OR11G2: variants seen among roughly 807,000 people sequenced by gnomAD.
OR11G2 encodes olfactory receptor 11G2.
In OR11G2, 2 loss-of-function variants were observed where a neutral mutation model predicts 0.9. The observed-to-expected ratio is 2.35, with a 90% confidence interval of 0.96 to 7.38. OR11G2 has a LOEUF of 7.38. Among genes scored for constraint, OR11G2 ranks in the 30% most tolerant of loss-of-function variants. The pLI is 0.05. For missense variants in OR11G2, 395 were observed against 371.3 expected (o/e 1.06, Z -0.52); for synonymous variants, 153 against 142.0 (o/e 1.08, Z -0.55).
rs750492217 is a variant in OR11G2, at chr14:20,197,974, C to T, written c.537C>T (p.Asp179=). The change falls in exon 2 of 2, where the codon GAC becomes GAT. Residue 179 remains aspartate (D), a synonymous_variant. Coordinates refer to ENST00000641879, the MANE Select transcript of OR11G2 (RefSeq NM_001386033.1). ...QMSFCGSRII[D]HFLCDPAPLL... is the part of the protein sequence containing the mutation. ...CCTTCTGTGGATCTAGGATTATTGA[C>T]CACTTCCTATGTGACCCAGCTCCTC... 9 of 1,613,480 alleles carry T rather than the reference C, an allele frequency of 5.6e-6. No homozygotes were observed. The highest frequency in any genetic ancestry group is 4.4e-5 in the South Asian group (4 of 91,042).
At chr14:20,192,377 G>C (rs889245888) in intron 1 of OR11G2, among the ~76,000 whole-genome samples, 1 of 152,150 alleles carries the variant, frequency 6.6e-6, no homozygotes, top group Admixed American at 6.5e-5. Flanking sequence ...CAGGTTAAAA[G>C]ACTACTAGAA....
intron 1 of OR11G2, among the ~76,000 whole-genome samples, chr14:20,193,521 A>G (rs1380339966): frequency 6.6e-6 from 1 of 152,248 alleles, no homozygotes; most frequent in Non-Finnish European, 1.5e-5. Flanking sequence ...TTAGCAAACT[A>G]TATCCAATGT....
chr14:20,193,393 G>A (rs1298429360), intron 1 of OR11G2, among the ~76,000 whole-genome samples: 1 of 152,114 alleles, frequency 6.6e-6, no homozygotes, highest in Non-Finnish European at 1.5e-5. Flanking sequence ...AAACACAGGG[G>A]TTACAAGTTC....
intron 1 of OR11G2, among the ~76,000 whole-genome samples, chr14:20,193,344 A>AGTG (rs1224889494): frequency 5.3e-5 from 8 of 152,036 alleles, no homozygotes; most frequent in Admixed American, 2.0e-4. Flanking sequence ...CTGGTCTCGA[A>AGTG]CTCCTGAGCT....
intron 1 of OR11G2, among the ~76,000 whole-genome samples, chr14:20,196,777 GAGGATGGCT>G (rs1879760406): frequency 6.6e-6 from 1 of 152,210 alleles, no homozygotes; most frequent in Admixed American, 6.5e-5. Flanking sequence ...CTGGTCTACT[GAGGATGGCT>G]AGGACTGCTG....
Position 20,197,436 on chromosome 14 carries a change from A to G in OR11G2, c.-2A>G, listed in dbSNP as rs753394210. ...GCTGGTGCTTTTACAATTCACAGGC[A>G]CATGAAAATCTTCAACAGCCCCAGC... On this transcript the variant is annotated splice_region_variant and 5_prime_UTR_variant, in exon 2 of 2. Coordinates refer to ENST00000641879, the MANE Select transcript of OR11G2 (RefSeq NM_001386033.1). 25 of 1,613,668 alleles carry G rather than the reference A, an allele frequency of 1.5e-5. No homozygotes were observed. Among genetic ancestry groups the G allele is most frequent in the Non-Finnish European group, 2.1e-5 (25 of 1,179,816 alleles).
At chr14:20,196,148 C>T (rs567744182) in intron 1 of OR11G2, among the ~76,000 whole-genome samples, 1 of 152,320 alleles carries the variant, frequency 6.6e-6, no homozygotes, top group South Asian at 2.1e-4. Flanking sequence ...AATTTTACCT[C>T]GTCCTCCCTG....
chr14:20,193,829 C>T (rs1380004945), intron 1 of OR11G2, among the ~76,000 whole-genome samples: 3 of 152,164 alleles, frequency 2.0e-5, no homozygotes, highest in Non-Finnish European at 4.4e-5. Context: ...GTGTGAGTAT[C>T]ACAGAGATGG....
chr14:20,197,623 C>G lies in OR11G2; in HGVS notation c.186C>G (p.Pro62=), dbSNP rs2139113237. 10 of 1,614,162 alleles carry G rather than the reference C, an allele frequency of 6.2e-6. No homozygotes were observed. The highest frequency in any genetic ancestry group is 8.5e-6 in the Non-Finnish European group (10 of 1,180,020). Residue 62 remains proline (P), a synonymous_variant, in exon 2 of 2, where the codon CCC becomes CCG. Transcript: ENST00000641879. ...ACTGGGATCAGAGACTCCACGCCCC[C>G]ATGTACATCCTGCTCGCCAACTTCT... is the stretch of plus-strand genomic sequence containing the variant. ...AVHWDQRLHA[P]MYILLANFSF...
At chr14:20,195,832 G>C (rs1300778629) in intron 1 of OR11G2, among the ~76,000 whole-genome samples, 1 of 152,028 alleles carries the variant, frequency 6.6e-6, no homozygotes, top group Non-Finnish European at 1.5e-5. Flanking sequence ...AAATCAACAA[G>C]AGAAAAACAA....
In OR11G2 at chr14:20,197,809, T is replaced by C; in HGVS notation, c.372T>C (p.Phe124=). Residue 124 remains phenylalanine, a synonymous_variant, in exon 2 of 2, where the codon TTT becomes TTC. Coordinates refer to ENST00000641879, the MANE Select transcript of OR11G2 (RefSeq NM_001386033.1). ...TECFFLAVMA[F]DRYLAICRPL... The stretch of plus-strand genomic sequence containing the variant: ...GCTTTTTCCTGGCAGTTATGGCATT[T>C]GATCGATACCTTGCCATCTGTCGGC... 6 of 1,614,156 alleles carry C rather than the reference T, an allele frequency of 3.7e-6. No individual in the cohort carries two copies. The South Asian group carries it at 6.6e-5, about 18-fold the overall frequency.
In OR11G2 at chr14:20,191,088, G is replaced by C. The variant is rs1048157881; in HGVS notation, c.-583G>C. The C allele has an allele frequency of 6.6e-6, 1 of 152,210 alleles. No homozygotes were observed. The highest frequency in any genetic ancestry group is 1.5e-5 in the Non-Finnish European group (1 of 68,044). 9.4% of individuals were successfully genotyped at this position (152,210 alleles called of 1,614,324 possible). On this transcript the variant is annotated 5_prime_UTR_variant, in exon 1 of 2. Coordinates refer to ENST00000641879, the MANE Select transcript of OR11G2 (RefSeq NM_001386033.1). Reference sequence around the variant, plus strand: ...GAAAGGAGATGATGCAATGGACAAAGTTTCCAGGATTGGTAAAGCCTAGGT... The same window carrying C: ...GAAAGGAGATGATGCAATGGACAAACTTTCCAGGATTGGTAAAGCCTAGGT...
rs1406442332 is a variant in OR11G2 at position 20,198,336 on chromosome 14, A to T, written c.899A>T (p.Asp300Val). 6.3e-7 allele frequency: 1 copy of T among 1,581,538 alleles called. No homozygotes were observed. The highest frequency in any genetic ancestry group is 2.0e-5 in the Admixed American group (1 of 50,872). Residue 300 changes from aspartate (D) to valine (V), a missense_variant, in exon 2 of 2, where the codon GAT becomes GTT. By Grantham distance (152) the Asp-to-Val change is radical (BLOSUM62 -3). Transcript: ENST00000641879. Reference protein sequence around the residue: ...NPVIYSLRNKDMRKALKKFWG... With the variant: ...NPVIYSLRNKVMRKALKKFWG... The stretch of plus-strand genomic sequence containing the variant: ...GTGATATATAGTCTTAGGAACAAAG[A>T]TATGAGAAAAGCTCTGAAGAAATTT...
chr14:20,198,264 A>C lies in OR11G2; in HGVS notation c.827A>C (p.Lys276Thr). ...TCTAAGAATGAAGCTGGAAAGCAGA[A>C]GACTGTGACTCTGTTTTATTCTGTT... ...PPSKNEAGKQ[K>T]TVTLFYSVVT... The change falls in exon 2 of 2, where the codon AAG becomes ACG. Residue 276 changes from lysine to threonine, a missense_variant. Coordinates refer to ENST00000641879, the MANE Select transcript of OR11G2 (RefSeq NM_001386033.1). 1.2e-6 allele frequency: 2 copies of C among 1,613,796 alleles called. No individual in the cohort carries two copies. The highest frequency in any genetic ancestry group is 1.7e-6 in the Non-Finnish European group (2 of 1,179,658).
Position 20,198,438 on chromosome 14 carries a change from AC to A in OR11G2, c.*66del. The A allele has an allele frequency of 8.1e-7, 1 of 1,229,090 alleles. No individual in the cohort carries two copies. Among genetic ancestry groups the A allele is most frequent in the Non-Finnish European group, 1.1e-6 (1 of 877,230 alleles). 76.1% of individuals were successfully genotyped at this position (1,229,090 alleles called of 1,614,324 possible). ...TTTAATTTTGGGGTTTAAAAAAAAA[AC>A]TGGTCTTGGCCAGGCGCGGTGGCTT... is the stretch of plus-strand genomic sequence containing the variant. On this transcript the variant is annotated 3_prime_UTR_variant, in exon 2 of 2. Transcript: ENST00000641879.
At position 20,197,513 on chromosome 14, in the gene OR11G2, G is replaced by A. The variant is rs1193703618; in HGVS notation, c.76G>A (p.Glu26Lys). The A allele has an allele frequency of 1.9e-6, 3 of 1,613,850 alleles. No individual in the cohort carries two copies. Among genetic ancestry groups the A allele is most frequent in the African/African-American group, 1.3e-5 (1 of 74,906 alleles). Residue 26 changes from glutamate (E) to lysine (K), a missense_variant, in exon 2 of 2, where the codon GAG becomes AAG. Physicochemically the swap from Glu to Lys is moderately conservative, Grantham distance 56 (BLOSUM62 1). Coordinates refer to ENST00000641879, the MANE Select transcript of OR11G2 (RefSeq NM_001386033.1). ...CCTCCTGGGCTTCCCTTGCCCCAGG[G>A]AGGGGCAGATCCTCCTCTTTGTGCT... ...FILLGFPCPR[E>K]GQILLFVLFT...
Position 20,198,317 on chromosome 14 carries a change from T to C in OR11G2, c.880T>C (p.Tyr294His), listed in dbSNP as rs140982146. 653 of 1,605,616 alleles carry C rather than the reference T, an allele frequency of 4.1e-4. 3 individuals are homozygous for C. The African/African-American group carries it at 8.0e-3, about 20-fold the overall frequency. Residue 294 changes from tyrosine (Y) to histidine (H), a missense_variant, in exon 2 of 2, where the codon TAT (tyrosine) becomes CAT (histidine). Transcript: ENST00000641879. Reference sequence around the variant, plus strand: ...TACCCCACTGCTTAACCCTGTGATATATAGTCTTAGGAACAAAGATATGAG... The same window carrying C: ...TACCCCACTGCTTAACCCTGTGATACATAGTCTTAGGAACAAAGATATGAG... ...VVTPLLNPVI[Y>H]SLRNKDMRKA...
rs1390506490 is a variant in OR11G2, at chr14:20,197,489, C to T, written c.52C>T (p.Leu18Phe). The T allele has an allele frequency of 1.9e-6, 3 of 1,613,960 alleles. No individual in the cohort carries two copies. Among genetic ancestry groups the T allele is most frequent in the Non-Finnish European group, 2.5e-6 (3 of 1,180,030 alleles). ...SNSSTFTGFI[L>F]LGFPCPREGQ... Reference sequence around the variant, plus strand: ...CTCCAGCACCTTCACTGGCTTCATCCTCCTGGGCTTCCCTTGCCCCAGGGA... The same window carrying T: ...CTCCAGCACCTTCACTGGCTTCATCTTCCTGGGCTTCCCTTGCCCCAGGGA... The change falls in exon 2 of 2, where the codon CTC becomes TTC. Residue 18 changes from leucine to phenylalanine, a missense_variant. By Grantham distance (22) the Leu-to-Phe change is conservative. Coordinates refer to ENST00000641879, the MANE Select transcript of OR11G2 (RefSeq NM_001386033.1).
At position 20,191,555 on chromosome 14, in the gene OR11G2, T is replaced by C. The variant is rs1044363567; in HGVS notation, c.-116T>C. The C allele has an allele frequency of 5.9e-5, 9 of 152,308 alleles. No homozygotes were observed. The highest frequency in any genetic ancestry group is 1.9e-4 in the African/African-American group (8 of 41,468). 9.4% of individuals were successfully genotyped at this position (152,308 alleles called of 1,614,324 possible). A position where few individuals can be genotyped will look rare whatever the true frequency, so the allele number is the denominator to read the frequency against. ...CCACTGAACCTGTATTCACACTTGCTTCTGTAACCAACTCGGGGGAATCTG... is the reference window on the plus strand; with the variant it reads ...CCACTGAACCTGTATTCACACTTGCCTCTGTAACCAACTCGGGGGAATCTG... On this transcript the variant is annotated 5_prime_UTR_variant, in exon 1 of 2. Transcript: ENST00000641879.
Sources: gnomAD v4.1 joint callset for allele counts (sites outside exome capture counted in the v4.1 genomes callset) on GRCh38, gnomAD v4.1.1 for gene constraint, MANE v1.5 for transcripts, NCBI Gene and HGNC (gene_info 2026-07-23, HGNC 2026-07-21) for gene names.